Variants in GLP1R observed in about 807,000 individuals in gnomAD.
GLP1R encodes glucagon like peptide 1 receptor.
Under a neutral mutation model 68.4 loss-of-function variants are expected in GLP1R, and 32 were observed. The ratio of observed to expected loss-of-function variants is 0.47; its 90% CI spans 0.35 to 0.63. The LOEUF (loss-of-function observed/expected upper bound fraction) is 0.63. Ranked by LOEUF, GLP1R falls within the 20% of genes least tolerant of loss-of-function variation. The pLI, the probability that GLP1R is intolerant of heterozygous loss-of-function variation, is 0.00. For missense variants in GLP1R, 502 were observed against 594.9 expected, an observed-to-expected ratio of 0.84 and a Z score of 1.62; for synonymous variants, 263 against 244.4, an observed-to-expected ratio of 1.08 and a Z score of -0.71.
chr6:39,085,045 C>G (rs1769109559), intron 12 of GLP1R, among the ~76,000 whole-genome samples: 1 of 152,142 alleles, frequency 6.6e-6, no homozygotes, highest in Admixed American at 6.5e-5. Flanking sequence ...GTCCAGACCC[C>G]CCAGGACTAG....
intron 5 of GLP1R, among the ~76,000 whole-genome samples, chr6:39,068,129 A>T (rs1162780940): frequency 6.6e-6 from 1 of 152,216 alleles, no homozygotes; most frequent in Non-Finnish European, 1.5e-5. Flanking sequence ...AAATTCAAAT[A>T]AAAAAAGAGA....
chr6:39,057,155 A>G (rs139385859), intron 2 of GLP1R, among the ~76,000 whole-genome samples: 16 of 152,312 alleles, frequency 1.1e-4, no homozygotes, highest in African/African-American at 3.8e-4. Flanking sequence ...GGGATTTTTC[A>G]TTGAGCACGT....
At chr6:39,080,660 T>G in intron 11 of GLP1R, 38 bp from the exon 12 acceptor site, 1 of 1,511,376 alleles carries the variant, frequency 6.6e-7, no homozygotes, top group Non-Finnish European at 9.1e-7. Context: ...GGCACCTCCC[T>G]CCTGCTTCCT....
intron 3 of GLP1R, among the ~76,000 whole-genome samples, chr6:39,061,005 C>A (rs1232186705): frequency 6.6e-6 from 1 of 152,198 alleles, no homozygotes; most frequent in African/African-American, 2.4e-5. Context: ...ACAGGTGACA[C>A]TGGGGCCAGA....
rs1562003881 is a variant in GLP1R at position 39,056,389 on chromosome 6, C to A, written c.79-8C>A. 2.0e-6 allele frequency: 3 copies of A among 1,513,876 alleles called. No individual in the cohort carries two copies. Among genetic ancestry groups the A allele is most frequent in the Middle Eastern group, 1.8e-4 (1 of 5,682 alleles). 93.8% of individuals were successfully genotyped at this position (1,513,876 alleles called of 1,614,324 possible). On this transcript the variant is annotated splice_region_variant and splice_polypyrimidine_tract_variant and intron_variant, in intron 1 of 12. Coordinates refer to ENST00000373256, the MANE Select transcript of GLP1R (RefSeq NM_002062.5). ...CCCACAGGCCTCCCATATATGCCCT[C>A]CCCCCAGGGTGCCACTGTGTCCCTC...
At chr6:39,051,120 G>A (rs1768077096) in intron 1 of GLP1R, among the ~76,000 whole-genome samples, 1 of 152,170 alleles carries the variant, frequency 6.6e-6, no homozygotes, top group African/African-American at 2.4e-5. Flanking sequence ...CTACTGAGGA[G>A]ACAGGCAAGC....
chr6:39,078,301 C>T, intron 7 of GLP1R, 21 bp from the exon 8 acceptor site: 4 of 1,597,646 alleles, frequency 2.5e-6, no homozygotes, highest in Non-Finnish European at 3.4e-6. Context: ...CTCTCCCCTT[C>T]TGTCTTTCCC....
Position 39,078,329 on chromosome 6 carries a change from C to T in GLP1R, c.831C>T (p.Pro277=), listed in dbSNP as rs1251405810. The T allele has an allele frequency of 1.2e-6, 2 of 1,611,642 alleles. No homozygotes were observed. Among genetic ancestry groups the T allele is most frequent in the Non-Finnish European group, 1.7e-6 (2 of 1,177,782 alleles). The part of the protein sequence containing the change: ...RLYVSIGWGV[P]LLFVVPWGIV... ...TCTTTCCCTCTCTCTTAGGTGTTCC[C>T]CTGCTGTTTGTTGTCCCCTGGGGCA... Residue 277 remains proline, a synonymous_variant, in exon 8 of 13, where the codon CCC becomes CCT. Transcript: ENST00000373256.
rs770806756 is a variant in GLP1R, at chr6:39,073,736, T to C, written c.790T>C (p.Trp264Arg). ...GGCCTTCTCGGTCTTATCTGAGCAA[T>C]GGATCTTCAGGCTCTACGTGAGCAT... ...LLAFSVLSEQ[W>R]IFRLYVSIGW... The change falls in exon 7 of 13, where the codon TGG (tryptophan) becomes CGG (arginine). Residue 264 changes from tryptophan to arginine, a missense_variant. By Grantham distance (101) the Trp-to-Arg change is moderately radical (BLOSUM62 -3). Coordinates refer to ENST00000373256, the MANE Select transcript of GLP1R (RefSeq NM_002062.5). 2 of 1,613,974 alleles carry C rather than the reference T, an allele frequency of 1.2e-6. No homozygotes were observed. Among genetic ancestry groups the C allele is most frequent in the South Asian group, 1.1e-5 (1 of 91,066 alleles).
Position 39,079,651 on chromosome 6 carries a change from G to C in GLP1R, c.1131G>C (p.Gly377=), listed in dbSNP as rs372488108. The C allele has an allele frequency of 1.9e-6, 3 of 1,612,196 alleles. No individual in the cohort carries two copies. Among genetic ancestry groups the C allele is most frequent in the Non-Finnish European group, 2.5e-6 (3 of 1,179,244 alleles). ...TTGTGATGGACGAGCACGCCCGGGG[G>C]ACCCTGCGCTTCATCAAGCTGTTTA... ...FAFVMDEHAR[G]TLRFIKLFTE... The change falls in exon 11 of 13, where the codon GGG becomes GGC. Residue 377 remains glycine (G), a synonymous_variant. Transcript: ENST00000373256. The surrounding 1 kb of genome is among the most constrained non-coding windows in gnomAD (Gnocchi z 4.5).
intron 1 of GLP1R, among the ~76,000 whole-genome samples, chr6:39,055,719 G>A (rs1438774151): frequency 2.1e-5 from 3 of 146,142 alleles, no homozygotes; most frequent in African/African-American, 5.5e-5. Flanking sequence ...GGGAGCACGG[G>A]GAGGGGGTGG....
intron 6 of GLP1R, 112 bp downstream of exon 6, chr6:39,073,127 G>A: frequency 1.0e-6 from 1 of 1,003,994 alleles, no homozygotes; most frequent in Non-Finnish European, 1.5e-6. Context: ...AACAGTCCTG[G>A]CCCTTCGGGA....
intron 7 of GLP1R, among the ~76,000 whole-genome samples, chr6:39,075,162 CT>C (rs1187914739): frequency 1.3e-5 from 2 of 152,236 alleles, no homozygotes; most frequent in Non-Finnish European, 2.9e-5. Context: ...GCTCAGGCCT[CT>C]GCACAGGTGG....
chr6:39,069,614 G>A (rs897486073), intron 5 of GLP1R, among the ~76,000 whole-genome samples: 1 of 150,694 alleles, frequency 6.6e-6, no homozygotes, highest in Non-Finnish European at 1.5e-5. Context: ...CTCCAGCCTG[G>A]GCGACAGAGT....
chr6:39,071,963 C>T (rs573363249), intron 5 of GLP1R, among the ~76,000 whole-genome samples: 2 of 152,272 alleles, frequency 1.3e-5, no homozygotes, highest in East Asian at 3.9e-4. Flanking sequence ...AATTCTCCAT[C>T]GAGATCTTAC....
intron 2 of GLP1R, 139 bp from the exon 3 acceptor site, chr6:39,057,333 A>G (rs1768238403): frequency 1.4e-5 from 9 of 630,810 alleles, no homozygotes; most frequent in Non-Finnish European, 2.6e-5. Flanking sequence ...GGGTGGGGAA[A>G]GTGCTTGGCA....
intron 5 of GLP1R, among the ~76,000 whole-genome samples, chr6:39,070,432 G>A (rs1053404524): frequency 9.9e-5 from 15 of 152,134 alleles, no homozygotes; most frequent in Admixed American, 9.2e-4. Context: ...AATGTTGGGT[G>A]CAATGTACAT....
chr6:39,079,298 G>A lies in GLP1R; in HGVS notation c.1043+98G>A. 1.0e-6 allele frequency: 1 copy of A among 966,270 alleles called. No homozygotes were observed. The allele number at this position is 966,270 out of a possible 1,614,324, so 59.9% of individuals were successfully genotyped here. ...GAGATCCTGGGATGCTTAGCTTAGA[G>A]CCCTACACTACCCTCTCCTTCCACC... On this transcript the variant is annotated intron_variant, in intron 10 of 12. Coordinates refer to ENST00000373256, the MANE Select transcript of GLP1R (RefSeq NM_002062.5). The surrounding 1 kb of genome is among the most constrained non-coding windows in gnomAD (Gnocchi z 4.5).
In GLP1R at chr6:39,079,557, C is replaced by A; in HGVS notation, c.1044-7C>A. 6.3e-7 allele frequency: 1 copy of A among 1,586,066 alleles called. No individual in the cohort carries two copies. Among genetic ancestry groups the A allele is most frequent in the Non-Finnish European group, 8.6e-7 (1 of 1,168,464 alleles). On this transcript the variant is annotated splice_polypyrimidine_tract_variant and splice_region_variant and intron_variant, in intron 10 of 12. Coordinates refer to ENST00000373256, the MANE Select transcript of GLP1R (RefSeq NM_002062.5). The surrounding 1 kb of genome is among the most constrained non-coding windows in gnomAD (Gnocchi z 4.5). ...GAATGACTCGAGATCTCTGCCCTGCCCCTCAGACTTGCCAAGTCCACGCTG... is the reference window on the plus strand; with the variant it reads ...GAATGACTCGAGATCTCTGCCCTGCACCTCAGACTTGCCAAGTCCACGCTG...
Sources: allele counts gnomAD v4.1 joint callset (sites outside exome capture counted in the v4.1 genomes callset), GRCh38; gene constraint gnomAD v4.1.1; non-coding constraint Gnocchi (gnomAD v3.1); transcripts MANE v1.5; gene names NCBI Gene and HGNC (gene_info 2026-07-23, HGNC 2026-07-21).